OPCML: variants seen among roughly 807,000 people sequenced by gnomAD.
OPCML encodes the protein opioid binding protein/cell adhesion molecule like.
Under a neutral mutation model 37.8 loss-of-function variants are expected in OPCML, and 13 were observed. The observed-to-expected ratio is 0.34, with a 90% CI of 0.22 to 0.55. The LOEUF (loss-of-function observed/expected upper bound fraction) is 0.55. Among genes scored for constraint, OPCML ranks in the 20% least tolerant of loss-of-function variants. The probability of loss-of-function intolerance (pLI) is 0.91; values close to 1 mark genes in which losing one functional copy is unlikely to be tolerated. For missense variants in OPCML, 341 were observed against 435.6 expected (o/e 0.78, Z 1.93); for synonymous variants, 176 against 168.8 (o/e 1.04, Z -0.33).
chr11:133,306,973 G>A (rs1296832290), intron 1 of OPCML, among the ~76,000 whole-genome samples: 10 of 152,142 alleles, frequency 6.6e-5, no homozygotes, highest in Non-Finnish European at 1.5e-4. Context: ...AGATAACCCT[G>A]TACCACGAAT....
chr11:133,456,365 C>G (rs1329664806), intron 1 of OPCML, among the ~76,000 whole-genome samples: 1 of 152,108 alleles, frequency 6.6e-6, no homozygotes, highest in Non-Finnish European at 1.5e-5. Context: ...TCAGGCTGAT[C>G]CCGAGGCTGA....
rs1318526559 is a variant in OPCML, at chr11:133,140,829, C to CGACGAA, written c.62-197825_62-197820dup. ...AAGACGACGACGAAGAAGAAGACGA[C>CGACGAA]GACGAAGAAGACGACGACGACGACG... On this transcript the variant is annotated intron_variant, in intron 1 of 7. Coordinates refer to ENST00000524381, the MANE Select transcript of OPCML (RefSeq NM_001012393.5). Among the ~76,000 whole-genome samples, 83 of 10,976 alleles carry CGACGAA rather than the reference C, an allele frequency of 7.6e-3. No individual in the cohort carries two copies. The East Asian group carries it at 0.1, about 13-fold the overall frequency. The allele number at this position is 10,976 out of a possible 152,430, so 7.2% of individuals were successfully genotyped here. A position where few individuals can be genotyped will look rare whatever the true frequency, so the allele number is the denominator to read the frequency against.
At chr11:133,215,751 G>A (rs1939557977) in intron 1 of OPCML, among the ~76,000 whole-genome samples, 1 of 152,104 alleles carries the variant, frequency 6.6e-6, no homozygotes, top group African/African-American at 2.4e-5. Flanking sequence ...AGTGTGGGAA[G>A]GGAAGGCCTT....
At chr11:133,414,422 C>A (rs377729454) in intron 1 of OPCML, among the ~76,000 whole-genome samples, 1 of 152,130 alleles carries the variant, frequency 6.6e-6, no homozygotes. Context: ...AAATAACCCA[C>A]GCCACAGCCT....
At chr11:133,031,402 G>A (rs1479726917) in intron 1 of OPCML, among the ~76,000 whole-genome samples, 2 of 131,658 alleles carry the variant, frequency 1.5e-5, no homozygotes, top group East Asian at 4.3e-4. Flanking sequence ...TGGTTGGATG[G>A]GTAGGTGAAT....
intron 1 of OPCML, among the ~76,000 whole-genome samples, chr11:132,954,398 C>G (rs1945930819): frequency 6.6e-6 from 1 of 150,700 alleles, no homozygotes; most frequent in African/African-American, 2.4e-5. Flanking sequence ...AAGGAAAAGA[C>G]CCCTCAAAGG....
intron 4 of OPCML, among the ~76,000 whole-genome samples, chr11:132,507,593 C>A (rs2096259993): frequency 6.6e-6 from 1 of 151,452 alleles, no homozygotes. Flanking sequence ...TTAAAAACAA[C>A]AAAAATTTTT....
intron 2 of OPCML, among the ~76,000 whole-genome samples, chr11:132,661,583 A>C (rs1941979144): frequency 6.6e-6 from 1 of 152,162 alleles, no homozygotes; most frequent in East Asian, 1.9e-4. Context: ...AGAGGGGAAC[A>C]CTTTTGAAGT....
At chr11:133,338,688 G>A (rs1943796387) in intron 1 of OPCML, among the ~76,000 whole-genome samples, 1 of 152,192 alleles carries the variant, frequency 6.6e-6, no homozygotes, top group Admixed American at 6.5e-5. Context: ...CCTCATTCTA[G>A]CCTGCCAAAG....
intron 1 of OPCML, among the ~76,000 whole-genome samples, chr11:132,959,923 C>T (rs1352258347): frequency 6.6e-6 from 1 of 152,144 alleles, no homozygotes; most frequent in Non-Finnish European, 1.5e-5. Flanking sequence ...AAATGGAACA[C>T]CGTCCAAAAC....
chr11:133,193,730 G>T (rs1790111653), intron 1 of OPCML, among the ~76,000 whole-genome samples: 1 of 152,116 alleles, frequency 6.6e-6, no homozygotes, highest in African/African-American at 2.4e-5. Flanking sequence ...AAAGTCTTCA[G>T]GAGGAAAAAA....
At chr11:132,722,288 A>G (rs1199585787) in intron 2 of OPCML, among the ~76,000 whole-genome samples, 2 of 151,430 alleles carry the variant, frequency 1.3e-5, no homozygotes, top group Non-Finnish European at 2.9e-5. Context: ...TCTAACAGGT[A>G]TCTAAACTCA....
intron 1 of OPCML, among the ~76,000 whole-genome samples, chr11:133,257,637 A>T (rs1214713153): frequency 1.3e-5 from 2 of 152,150 alleles, no homozygotes; most frequent in Non-Finnish European, 2.9e-5. Context: ...TCAGGTGTCT[A>T]ATTCTCAGTG....
At chr11:132,495,184 C>T (rs1461613372) in intron 4 of OPCML, among the ~76,000 whole-genome samples, 2 of 152,156 alleles carry the variant, frequency 1.3e-5, no homozygotes, top group Non-Finnish European at 2.9e-5. Context: ...ACCCAAAAAA[C>T]ATTTATTGAG....
intron 1 of OPCML, among the ~76,000 whole-genome samples, chr11:133,113,328 A>T (rs1358823011): frequency 2.0e-5 from 3 of 152,014 alleles, no homozygotes; most frequent in African/African-American, 7.2e-5. Flanking sequence ...TCATTAAAAG[A>T]CTCTTTTCAA....
intron 7 of OPCML, among the ~76,000 whole-genome samples, chr11:132,426,002 T>A (rs2136676469): frequency 6.6e-6 from 1 of 152,348 alleles, no homozygotes; most frequent in East Asian, 1.9e-4. Flanking sequence ...ATTATGCCCT[T>A]TACCATTATT....
chr11:133,419,261 G>T, intron 1 of OPCML: 1 of 985,324 alleles, frequency 1.0e-6, no homozygotes, highest in Non-Finnish European at 1.2e-6. Flanking sequence ...ATATGAGTTT[G>T]GTTTTGAACA....
At chr11:132,607,828 G>C (rs1447587490) in intron 3 of OPCML, among the ~76,000 whole-genome samples, 1 of 152,186 alleles carries the variant, frequency 6.6e-6, no homozygotes, top group Non-Finnish European at 1.5e-5. Flanking sequence ...ACAGGGATTA[G>C]ATTGGTGGTT....
intron 1 of OPCML, among the ~76,000 whole-genome samples, chr11:133,158,708 T>TAAAAAAGA (rs1387266864): frequency 9.2e-6 from 1 of 108,966 alleles, no homozygotes; most frequent in African/African-American, 3.7e-5. Context: ...AAAAATAAAA[T>TAAAAAAGA]TAAAAAAATA....
Sources: allele counts gnomAD v4.1 joint callset (sites outside exome capture counted in the v4.1 genomes callset), GRCh38; gene constraint gnomAD v4.1.1; transcripts MANE v1.5; gene names NCBI Gene and HGNC (gene_info 2026-07-23, HGNC 2026-07-21).